The following C1orf21 variants were observed in gnomAD, a reference collection of about 807,000 sequenced individuals.
C1orf21 encodes uncharacterized protein C1orf21.
C1orf21 carries 3 observed loss-of-function variants against 18.7 expected under a neutral mutation model. That is an observed-to-expected ratio of 0.16 (90% CI 0.07 to 0.42). The LOEUF is 0.42. C1orf21 is among the 10% of genes least tolerant of loss of function. C1orf21 has a pLI of 0.99. For missense variants in C1orf21, 104 were observed against 143.6 expected (o/e 0.72, Z 1.41); for synonymous variants, 41 against 46.4 (o/e 0.88, Z 0.47).
At chr1:184,596,889 GAAA>G (rs1333249808) in intron 4 of C1orf21, among the ~76,000 whole-genome samples, 166 of 145,214 alleles carry the variant, frequency 1.1e-3, no homozygotes, top group African/African-American at 3.7e-3. Flanking sequence ...AAAAAAAAAA[GAAA>G]GAAAGAAAAG....
At chr1:184,552,245 G>A (rs1052982589) in intron 3 of C1orf21, among the ~76,000 whole-genome samples, 6 of 152,174 alleles carry the variant, frequency 3.9e-5, no homozygotes, top group African/African-American at 1.4e-4. Flanking sequence ...CAAAGGATAG[G>A]AATAGATAAT....
intron 1 of C1orf21, among the ~76,000 whole-genome samples, chr1:184,448,374 G>A (rs139159401): frequency 3.3e-4 from 51 of 152,252 alleles, no homozygotes; most frequent in Non-Finnish European, 6.2e-4. Context: ...GTGGGCCACC[G>A]CATCTGGCTT....
chr1:184,543,402 T>C (rs1008903215), intron 3 of C1orf21, among the ~76,000 whole-genome samples: 5 of 152,176 alleles, frequency 3.3e-5, no homozygotes, highest in Non-Finnish European at 7.3e-5. Flanking sequence ...CAGTAATAAT[T>C]AAATTATATT....
chr1:184,582,942 G>A (rs1298772236), intron 3 of C1orf21, among the ~76,000 whole-genome samples: 1 of 152,154 alleles, frequency 6.6e-6, no homozygotes, highest in African/African-American at 2.4e-5. Flanking sequence ...GGTTTCAAGA[G>A]ATTCTCCTGT....
chr1:184,412,193 A>G (rs1656365818), intron 1 of C1orf21: 1 of 152,230 alleles, frequency 6.6e-6, no homozygotes, highest in Admixed American at 6.5e-5. Flanking sequence ...TTTAATTTCT[A>G]CTTAGTGAGA....
At chr1:184,598,768 G>C (rs1404072844) in intron 5 of C1orf21, among the ~76,000 whole-genome samples, 2 of 152,108 alleles carry the variant, frequency 1.3e-5, no homozygotes, top group Non-Finnish European at 2.9e-5. Context: ...TTTGCACCCA[G>C]TACCCTGCAC....
intron 1 of C1orf21, among the ~76,000 whole-genome samples, chr1:184,396,447 G>A (rs563072244): frequency 6.6e-6 from 1 of 152,284 alleles, no homozygotes; most frequent in East Asian, 1.9e-4. Context: ...AAAGGGGATA[G>A]AGTAAAGGAT....
intron 3 of C1orf21, among the ~76,000 whole-genome samples, chr1:184,529,135 A>G (rs1319946949): frequency 6.6e-6 from 1 of 152,124 alleles, no homozygotes; most frequent in Admixed American, 6.5e-5. Context: ...CCTCAAGGCC[A>G]TTTTATTTTT....
At chr1:184,446,241 G>A (rs930498309) in intron 1 of C1orf21, among the ~76,000 whole-genome samples, 1 of 151,978 alleles carries the variant, frequency 6.6e-6, no homozygotes, top group African/African-American at 2.4e-5. Context: ...TGGTGCTTCA[G>A]AGTAGAGTAT....
intron 2 of C1orf21, among the ~76,000 whole-genome samples, chr1:184,491,742 G>A (rs1009404104): frequency 3.3e-5 from 5 of 152,108 alleles, no homozygotes; most frequent in East Asian, 1.9e-4. Context: ...AGTGACCTTC[G>A]GGGCTTTGCT....
chr1:184,593,523 G>A (rs990967315), intron 4 of C1orf21, among the ~76,000 whole-genome samples: 1 of 152,184 alleles, frequency 6.6e-6, no homozygotes, highest in African/African-American at 2.4e-5. Flanking sequence ...ATACCACCAT[G>A]AAGGCATGTC....
chr1:184,425,696 C>A (rs1045561238), intron 1 of C1orf21, among the ~76,000 whole-genome samples: 1 of 152,134 alleles, frequency 6.6e-6, no homozygotes, highest in African/African-American at 2.4e-5. Context: ...CCCTCTGTCA[C>A]CCCTCAAAAT....
At position 184,619,523 on chromosome 1, in the gene C1orf21, G is replaced by T; in HGVS notation, c.333G>T (p.Arg111=). The T allele has an allele frequency of 6.2e-7, 1 of 1,613,158 alleles. No individual in the cohort carries two copies. Among genetic ancestry groups the T allele is most frequent in the South Asian group, 1.1e-5 (1 of 90,948 alleles). The part of the protein sequence containing the change: ...RMLDEKIEKG[R]DYCSEEEDIT The stretch of plus-strand genomic sequence containing the variant: ...TTTTTCTTTTTCCCTCCAAGGGTCG[G>T]GATTACTGTTCGGAAGAAGAGGATA... Residue 111 remains arginine (R), a synonymous_variant, in exon 6 of 6, where the codon CGG becomes CGT. Coordinates refer to ENST00000235307, the MANE Select transcript of C1orf21 (RefSeq NM_030806.4).
chr1:184,388,027 TCTC>T (rs1371221918), intron 1 of C1orf21, among the ~76,000 whole-genome samples: 1 of 152,172 alleles, frequency 6.6e-6, no homozygotes, highest in Non-Finnish European at 1.5e-5. Flanking sequence ...CAGATTTCAC[TCTC>T]CTCTGCAGGC....
In C1orf21 at chr1:184,628,015, G is replaced by C. The variant is rs777097554; in HGVS notation, c.*8459G>C. 1.1e-4 allele frequency: 17 copies of C among 152,174 alleles called. No homozygotes were observed. Among genetic ancestry groups the C allele is most frequent in the Non-Finnish European group, 2.5e-4 (17 of 68,032 alleles). The allele number at this position is 152,174 out of a possible 1,614,324, so 9.4% of individuals were successfully genotyped here. Reference sequence around the variant, plus strand: ...TATTTGCATTTTATTTAGGAACATGGCCTTATATTCAAGGAAAATCTAGCA... The same window carrying C: ...TATTTGCATTTTATTTAGGAACATGCCCTTATATTCAAGGAAAATCTAGCA... On this transcript the variant is annotated 3_prime_UTR_variant, in exon 6 of 6. Transcript: ENST00000235307.
At chr1:184,534,296 T>C (rs998758887) in intron 3 of C1orf21, among the ~76,000 whole-genome samples, 7 of 152,316 alleles carry the variant, frequency 4.6e-5, no homozygotes, top group Admixed American at 3.9e-4. Flanking sequence ...CAGAGGGGTG[T>C]TTCTTGCCAG....
intron 3 of C1orf21, among the ~76,000 whole-genome samples, chr1:184,582,729 C>A (rs1452742665): frequency 1.3e-5 from 2 of 152,226 alleles, no homozygotes; most frequent in African/African-American, 4.8e-5. Context: ...AGGAGAAAAG[C>A]AGTTCCATTC....
intron 2 of C1orf21, among the ~76,000 whole-genome samples, chr1:184,494,844 GC>G (rs372574104): frequency 5.0e-5 from 7 of 139,572 alleles, no homozygotes; most frequent in South Asian, 2.2e-4. Context: ...TTTTGCTTTT[GC>G]TTTTTTTTTT....
At chr1:184,394,445 C>T (rs909595977) in intron 1 of C1orf21, among the ~76,000 whole-genome samples, 2 of 152,172 alleles carry the variant, frequency 1.3e-5, no homozygotes, top group African/African-American at 4.8e-5. Flanking sequence ...CTTTTTCATA[C>T]CCATCATCAT....
Sources: gnomAD v4.1 joint callset for allele counts (sites outside exome capture counted in the v4.1 genomes callset) on GRCh38, gnomAD v4.1.1 for gene constraint, MANE v1.5 for transcripts, NCBI Gene and HGNC (gene_info 2026-07-23, HGNC 2026-07-21) for gene names.